The following BDP1 variants were observed in gnomAD, a reference collection of about 807,000 sequenced individuals.
The protein encoded by BDP1 is transcription factor TFIIIB component B'' homolog.
In BDP1, 169 loss-of-function variants were observed where a neutral mutation model predicts 266.6. The ratio of observed to expected loss-of-function variants is 0.63; its 90% CI spans 0.56 to 0.72. BDP1 has a LOEUF of 0.72. Ranked by LOEUF, BDP1 falls within the 30% of genes least tolerant of loss-of-function variation. The pLI is 0.00. For missense variants in BDP1, 3,015 were observed against 3,053.8 expected (o/e 0.99, Z 0.30); for synonymous variants, 1,090 against 1,022.4 (o/e 1.07, Z -1.26).
At position 71,465,880 on chromosome 5, in the gene BDP1, A is replaced by T. The variant is rs564671369; in HGVS notation, c.660-216A>T. ...TGGGTGACAGGGCGAAACTCCATCT[A>T]AAAAAAAAAATAAGACTTCTTACTA... On this transcript the variant is annotated intron_variant, in intron 4 of 38. Transcript: ENST00000358731. Among the ~76,000 whole-genome samples the T allele has an allele frequency of 3.5e-5, 5 of 144,316 alleles. No homozygotes were observed. The South Asian group carries it at 1.1e-3, about 31-fold the overall frequency. The allele number at this position is 144,316 out of a possible 152,430, so 94.7% of individuals were successfully genotyped here.
At chr5:71,502,560 T>A in intron 14 of BDP1, 39 bp from the exon 15 acceptor site, 1 of 1,518,828 alleles carries the variant, frequency 6.6e-7, no homozygotes, top group East Asian at 2.3e-5. Flanking sequence ...AATTGGTGAC[T>A]TCAAAATAAA....
chr5:71,552,443 C>T (rs1198758804), intron 34 of BDP1, among the ~76,000 whole-genome samples: 31 of 152,218 alleles, frequency 2.0e-4, no homozygotes, highest in African/African-American at 6.5e-4. Flanking sequence ...GCTGCAATCT[C>T]GGCACTTTGG....
chr5:71,541,604 A>G lies in BDP1; in HGVS notation c.6173A>G (p.Lys2058Arg), dbSNP rs756474287. The change falls in exon 29 of 39, where the codon AAG (lysine) becomes AGG (arginine). Residue 2058 changes from lysine to arginine, a missense_variant. Coordinates refer to ENST00000358731, the MANE Select transcript of BDP1 (RefSeq NM_018429.3). Reference sequence around the variant, plus strand: ...TCTCCTGCATCATTTGAAGAAAACAAGATTGTATTGGAGGAACAAAGTTCC... The same window carrying G: ...TCTCCTGCATCATTTGAAGAAAACAGGATTGTATTGGAGGAACAAAGTTCC... ...TTSPASFEEN[K>R]IVLEEQSSRE... is the part of the protein sequence containing the mutation. 13 of 1,612,900 alleles carry G rather than the reference A, an allele frequency of 8.1e-6. No individual in the cohort carries two copies. Among genetic ancestry groups the G allele is most frequent in the African/African-American group, 1.3e-5 (1 of 74,904 alleles).
intron 37 of BDP1, among the ~76,000 whole-genome samples, chr5:71,560,557 A>G (rs1743572272): frequency 6.6e-6 from 1 of 152,220 alleles, no homozygotes; most frequent in Admixed American, 6.5e-5. Flanking sequence ...GCACATATGT[A>G]TGGATGCTGA....
chr5:71,460,324 G>A (rs1462318503), intron 2 of BDP1, among the ~76,000 whole-genome samples: 2 of 152,214 alleles, frequency 1.3e-5, no homozygotes, highest in Non-Finnish European at 2.9e-5. Flanking sequence ...AGGTTGCGGT[G>A]AGCCAAAATC....
intron 25 of BDP1, among the ~76,000 whole-genome samples, chr5:71,532,081 T>A (rs1045642435): frequency 6.6e-5 from 10 of 152,200 alleles, no homozygotes; most frequent in Non-Finnish European, 2.9e-5. Flanking sequence ...AAAATTTGCT[T>A]ACTGGTTTTA....
intron 35 of BDP1, among the ~76,000 whole-genome samples, chr5:71,556,087 T>C (rs457889): frequency 0.3 from 45,733 of 152,074 alleles, 7,958 homozygotes; most frequent in East Asian, 0.51. Context: ...ACATTTCTTA[T>C]AGGTTACCCC....
chr5:71,483,724 A>AG, intron 7 of BDP1, 118 bp from the exon 8 acceptor site: 1 of 720,608 alleles, frequency 1.4e-6, no homozygotes, highest in Non-Finnish European at 2.4e-6. Context: ...TGGCAAAGAC[A>AG]TATTAAGTAG....
At chr5:71,550,683 G>A (rs911624422) in intron 34 of BDP1, among the ~76,000 whole-genome samples, 2 of 152,032 alleles carry the variant, frequency 1.3e-5, no homozygotes, top group Admixed American at 6.5e-5. Context: ...ATTGTCCATC[G>A]TGTAGCATTA....
intron 26 of BDP1, among the ~76,000 whole-genome samples, chr5:71,537,167 AAAAAAG>A (rs1766668744): frequency 1.3e-5 from 2 of 151,146 alleles, no homozygotes; most frequent in South Asian, 4.2e-4. Context: ...AAAAAAAAAA[AAAAAAG>A]AACCAGAACC....
In BDP1 at chr5:71,467,340, T is replaced by C; in HGVS notation, c.786-14T>C. ...TTTTTAGTATACATCTATTTAAAAA[T>C]GTGTTTATTTCAGTTTAACTGTAGA... On this transcript the variant is annotated splice_polypyrimidine_tract_variant and intron_variant, in intron 5 of 38. Transcript: ENST00000358731. The C allele has an allele frequency of 6.4e-7, 1 of 1,571,442 alleles. No homozygotes were observed. The highest frequency in any genetic ancestry group is 1.2e-5 in the South Asian group (1 of 86,890).
At chr5:71,458,959 A>G (rs1417566687) in intron 2 of BDP1, 104 bp downstream of exon 2, 10 of 1,044,824 alleles carry the variant, frequency 9.6e-6, no homozygotes, top group Non-Finnish European at 1.2e-5. Flanking sequence ...GAACAAAACC[A>G]CATAACATCC....
rs1340713898 is a variant in BDP1 at position 71,561,410 on chromosome 5, TTAAAA to T, written c.7497-855_7497-851del. Among the ~76,000 whole-genome samples the T allele has an allele frequency of 1.6e-4, 25 of 151,946 alleles. No homozygotes were observed. The South Asian group carries it at 5.0e-3, about 30-fold the overall frequency. On this transcript the variant is annotated intron_variant, in intron 37 of 38. Coordinates refer to ENST00000358731, the MANE Select transcript of BDP1 (RefSeq NM_018429.3). The stretch of plus-strand genomic sequence containing the variant: ...GAGCGAAACTGTCTCAAAAAATAAA[TTAAAA>T]TAAAATAATAACATCATGAGAGTTT...
At chr5:71,469,653 G>T (rs980459615) in intron 6 of BDP1, among the ~76,000 whole-genome samples, 2 of 150,358 alleles carry the variant, frequency 1.3e-5, no homozygotes, top group Admixed American at 6.6e-5. Flanking sequence ...TCGCTCTTTC[G>T]CCCAGGCTGG....
At chr5:71,512,884 C>A (rs1765006426) in intron 18 of BDP1, among the ~76,000 whole-genome samples, 3 of 151,454 alleles carry the variant, frequency 2.0e-5, no homozygotes, top group Admixed American at 2.0e-4. Context: ...CTGTAGAAAC[C>A]CCATCTCTAT....
intron 12 of BDP1, 67 bp downstream of exon 12, chr5:71,495,475 T>C: frequency 8.9e-7 from 1 of 1,122,490 alleles, no homozygotes; most frequent in Non-Finnish European, 1.2e-6. Context: ...ATAATAATGT[T>C]GCTTCATTTA....
the BDP1 span, among the ~76,000 whole-genome samples, chr5:71,573,351 C>A: frequency 6.6e-6 from 1 of 152,154 alleles, no homozygotes; most frequent in Non-Finnish European, 1.5e-5. Context: ...GAAATAGAGA[C>A]CCCAATACAA....
At chr5:71,499,749 A>G (rs1175572359) in intron 13 of BDP1, among the ~76,000 whole-genome samples, 1 of 152,132 alleles carries the variant, frequency 6.6e-6, no homozygotes, top group African/African-American at 2.4e-5. Context: ...TCAGTTCTCT[A>G]CTAATGGATG....
Position 71,523,923 on chromosome 5 carries a change from T to G in BDP1, c.5388-16T>G. Reference sequence around the variant, plus strand: ...GCATGCATATGACCTTATTGTTGTTTTGATTAAATATCTAGCTGTCCACAA... The same window carrying G: ...GCATGCATATGACCTTATTGTTGTTGTGATTAAATATCTAGCTGTCCACAA... On this transcript the variant is annotated splice_polypyrimidine_tract_variant and intron_variant, in intron 24 of 38. Transcript: ENST00000358731. 1 of 1,589,852 alleles carries G rather than the reference T, an allele frequency of 6.3e-7. No homozygotes were observed.
Sources: allele counts gnomAD v4.1 joint callset (sites outside exome capture counted in the v4.1 genomes callset), GRCh38; gene constraint gnomAD v4.1.1; transcripts MANE v1.5; gene names NCBI Gene and HGNC (gene_info 2026-07-23, HGNC 2026-07-21).